The following ATRX variants were observed in gnomAD, a reference collection of about 807,000 sequenced individuals.
ATRX encodes the protein ATRX chromatin remodeler, also known as chromatin remodeler ATRX.
A neutral mutation model predicts 172.6 loss-of-function variants in ATRX; 12 were observed. That is an observed-to-expected ratio of 0.07 (90% CI 0.04 to 0.11). The LOEUF (loss-of-function observed/expected upper bound fraction) is 0.11. Among genes scored for constraint, ATRX ranks in the 10% least tolerant of loss-of-function variants. ATRX has a pLI of 1.00. For missense variants in ATRX, 1,368 were observed against 1,767.4 expected (o/e 0.77, Z 4.05); for synonymous variants, 674 against 594.7 (o/e 1.13, Z -1.94).
chrX:77,646,184 TA>T (rs1166146089), intron 15 of ATRX, among the ~76,000 whole-genome samples: 2 of 111,878 alleles, frequency 1.8e-5, no homozygotes, highest in Non-Finnish European at 3.8e-5. Flanking sequence ...TAATAATTTT[TA>T]AAAAATGATC....
chrX:77,678,032 C>A (rs984983508), intron 9 of ATRX, among the ~76,000 whole-genome samples: 1 of 110,685 alleles, frequency 9.0e-6, no homozygotes, highest in African/African-American at 3.3e-5. Flanking sequence ...CATGGAGAAA[C>A]CCTGTCTCTA....
intron 12 of ATRX, among the ~76,000 whole-genome samples, chrX:77,662,081 T>G (rs1557122976): frequency 1.8e-5 from 2 of 111,658 alleles, no homozygotes; most frequent in African/African-American, 3.3e-5. Context: ...TGTGAAGCCT[T>G]CTCTGGGGTA....
At chrX:77,626,163 T>G (rs972825052) in intron 19 of ATRX, among the ~76,000 whole-genome samples, 1 of 101,346 alleles carries the variant, frequency 9.9e-6, no homozygotes, top group Non-Finnish European at 2.0e-5. Context: ...GGACTATTAT[T>G]CTAAGTGAAG....
intron 34 of ATRX, among the ~76,000 whole-genome samples, chrX:77,512,313 A>G (rs2062896853): frequency 8.9e-6 from 1 of 112,632 alleles, no homozygotes; most frequent in South Asian, 3.6e-4. Context: ...AGGAATTTCA[A>G]TATCAAACCT....
chrX:77,732,355 C>T (rs2074334815), intron 1 of ATRX, among the ~76,000 whole-genome samples: 1 of 111,612 alleles, frequency 9.0e-6, no homozygotes, highest in Non-Finnish European at 1.9e-5. Context: ...ACAAAGGGGC[C>T]GAGAAAATTC....
intron 29 of ATRX, among the ~76,000 whole-genome samples, chrX:77,557,946 T>C (rs1400336497): frequency 9.0e-6 from 1 of 111,565 alleles, no homozygotes; most frequent in Non-Finnish European, 1.9e-5. Context: ...AGCAGGCAGA[T>C]ACCAGAGTAA....
intron 1 of ATRX, among the ~76,000 whole-genome samples, chrX:77,758,018 T>G (rs1327734434): frequency 1.8e-5 from 2 of 111,413 alleles, no homozygotes; most frequent in Non-Finnish European, 3.8e-5. Context: ...AAATTTTAGG[T>G]TAAGAACTCT....
At chrX:77,519,580 C>A (rs2063159816) in intron 34 of ATRX, among the ~76,000 whole-genome samples, 2 of 110,920 alleles carry the variant, frequency 1.8e-5, no homozygotes, top group South Asian at 3.9e-4. Flanking sequence ...ACAAAACCAA[C>A]CAACCAAACA....
rs2066590738 is a variant in ATRX at position 77,599,480 on chromosome X, G to A, written c.5887C>T (p.Arg1963Trp). The change falls in exon 25 of 35, where the codon CGG (arginine) becomes TGG (tryptophan). Residue 1963 changes from arginine (R) to tryptophan (W), a missense_variant. By Grantham distance (101) the Arg-to-Trp change is moderately radical. Transcript: ENST00000373344. ...EVIKVWNSRSRGGGEGNVDET... is the reference protein window; with the variant it reads ...EVIKVWNSRSWGGGEGNVDET... ...TCCACATTTCCTTCACCACCTCCCC[G>A]AGATCTTGAATTCCAGACCTTAATC... 2 of 1,209,619 alleles carry A rather than the reference G, an allele frequency of 1.7e-6. No homozygotes were observed. The highest frequency in any genetic ancestry group is 1.1e-6 in the Non-Finnish European group (1 of 894,578).
intron 19 of ATRX, among the ~76,000 whole-genome samples, chrX:77,622,008 A>G (rs1420162410): frequency 8.9e-6 from 1 of 112,409 alleles, no homozygotes; most frequent in Non-Finnish European, 1.9e-5. Context: ...TTTACCACTT[A>G]ATATTCGGTA....
rs2071326049 is a variant in ATRX, at chrX:77,682,960, C to T, written c.2296G>A (p.Asp766Asn). ...EIHTNHKTLY[D>N]LKTQAGKDDK... ...TCTTTCCCCGCCTGAGTCTTTAAAT[C>T]ATACAAAGTCTTATGGTTTGTATGA... is the stretch of plus-strand genomic sequence containing the variant. Residue 766 changes from aspartate (D) to asparagine (N), a missense_variant, in exon 9 of 35, where the codon GAT (aspartate) becomes AAT (asparagine). Asp to Asn is a conservative substitution (Grantham distance 23, BLOSUM62 1). Around this residue, in one of 17 missense-constraint regions of ATRX, gnomAD observed 843 missense variants for 643.1 expected, o/e 1.31. Coordinates refer to ENST00000373344, the MANE Select transcript of ATRX (RefSeq NM_000489.6). 2 of 1,210,399 alleles carry T rather than the reference C, an allele frequency of 1.7e-6. No individual in the cohort carries two copies. The highest frequency in any genetic ancestry group is 2.2e-6 in the Non-Finnish European group (2 of 894,811).
chrX:77,772,487 C>CT (rs1250768962), intron 1 of ATRX, among the ~76,000 whole-genome samples: 7 of 96,818 alleles, frequency 7.2e-5, no homozygotes, highest in Admixed American at 2.3e-4. Flanking sequence ...AAAAAAAAAG[C>CT]TTTTTTTTGA....
chrX:77,522,584 CT>C (rs1359263238), intron 31 of ATRX, 196 bp from the exon 32 acceptor site: 23 of 417,475 alleles, frequency 5.5e-5, no homozygotes, highest in Non-Finnish European at 6.5e-5. Context: ...TAAAGGTGTA[CT>C]TTTTTTTTCT....
chrX:77,571,023 C>G (rs781872064), intron 28 of ATRX, among the ~76,000 whole-genome samples: 1 of 99,490 alleles, frequency 1.0e-5, no homozygotes, highest in South Asian at 4.0e-4. Context: ...CCACTACATA[C>G]CTATCAGAAC....
At chrX:77,726,318 A>T (rs1557172868) in intron 1 of ATRX, among the ~76,000 whole-genome samples, 1 of 110,182 alleles carries the variant, frequency 9.1e-6, no homozygotes. Context: ...TTCATGTCCT[A>T]TATAGGGACA....
At chrX:77,629,818 A>G (rs1345539997) in intron 19 of ATRX, among the ~76,000 whole-genome samples, 1 of 112,234 alleles carries the variant, frequency 8.9e-6, no homozygotes, top group Non-Finnish European at 1.9e-5. Context: ...TGCTCTGACC[A>G]CTTACGTTCG....
intron 1 of ATRX, among the ~76,000 whole-genome samples, chrX:77,779,086 C>T (rs1349557836): frequency 9.8e-6 from 1 of 102,461 alleles, no homozygotes; most frequent in African/African-American, 3.6e-5. Flanking sequence ...CGCCACCATG[C>T]CCGGATTTTT....
chrX:77,704,481 C>G (rs1204055211), intron 2 of ATRX, among the ~76,000 whole-genome samples: 10 of 112,064 alleles, frequency 8.9e-5, no homozygotes, highest in Non-Finnish European at 1.5e-4. Context: ...AGCCTTCAGG[C>G]TTTCCCTGGC....
intron 15 of ATRX, among the ~76,000 whole-genome samples, chrX:77,641,341 G>A (rs2148389110): frequency 9.0e-6 from 1 of 110,997 alleles, no homozygotes; most frequent in East Asian, 2.8e-4. Context: ...ACTTTGGGAG[G>A]CAGAGGTAGG....
Sources: gnomAD v4.1 joint callset for allele counts (sites outside exome capture counted in the v4.1 genomes callset) on GRCh38, gnomAD v4.1.1 for gene constraint, gnomAD v4.1.1 regional missense constraint, MANE v1.5 for transcripts, NCBI Gene and HGNC (gene_info 2026-07-23, HGNC 2026-07-21) for gene names.